The following RELN variants were observed in gnomAD, a reference collection of about 807,000 sequenced individuals.
RELN encodes reelin.
In RELN, 108 loss-of-function variants were observed where a neutral mutation model predicts 427.6. The ratio of observed to expected loss-of-function variants is 0.25; its 90% CI spans 0.22 to 0.30. The LOEUF (loss-of-function observed/expected upper bound fraction) is 0.30, where lower values mean the gene tolerates loss of function less well. Among genes scored for constraint, RELN ranks in the 10% least tolerant of loss-of-function variants. The probability of loss-of-function intolerance (pLI) is 1.00; values close to 1 mark genes in which losing one functional copy is unlikely to be tolerated. For synonymous variants in RELN, 1,524 were observed against 1,513.4 expected (o/e 1.01, Z -0.16); for missense variants, 3,715 against 4,302.8 (o/e 0.86, Z 3.82).
At chr7:103,494,250 TCTG>T (rs1828758397) in intron 57 of RELN, among the ~76,000 whole-genome samples, 1 of 152,162 alleles carries the variant, frequency 6.6e-6, no homozygotes, top group African/African-American at 2.4e-5. Context: ...CATTTTTATT[TCTG>T]CTAGTAAGGA....
chr7:103,594,802 T>C (rs1329933007), intron 25 of RELN, among the ~76,000 whole-genome samples: 1 of 152,188 alleles, frequency 6.6e-6, no homozygotes, highest in Non-Finnish European at 1.5e-5. Flanking sequence ...TTTAAAGAAA[T>C]ATCAAGATAA....
At chr7:103,746,864 CAGGGATCT>C (rs1382228215) in intron 6 of RELN, among the ~76,000 whole-genome samples, 1 of 151,848 alleles carries the variant, frequency 6.6e-6, no homozygotes, top group African/African-American at 2.4e-5. Context: ...GGCGATTCCT[CAGGGATCT>C]AGAACTAGAA....
chr7:103,810,528 C>T (rs1254566005), intron 3 of RELN, among the ~76,000 whole-genome samples: 2 of 152,144 alleles, frequency 1.3e-5, no homozygotes, highest in East Asian at 1.9e-4. Context: ...ATTCTTTCTT[C>T]GTGACAGTCA....
intron 4 of RELN, among the ~76,000 whole-genome samples, chr7:103,764,734 G>A (rs1432720243): frequency 6.6e-6 from 1 of 151,508 alleles, no homozygotes. Context: ...TACTCGGGAG[G>A]CTGAGGTAGG....
At chr7:103,945,813 T>C (rs4236563) in intron 1 of RELN, among the ~76,000 whole-genome samples, 69,550 of 151,968 alleles carry the variant, frequency 0.46, 16,356 homozygotes, top group African/African-American at 0.53. Flanking sequence ...TATCTTTAGA[T>C]ACACAAACAT....
intron 3 of RELN, among the ~76,000 whole-genome samples, chr7:103,801,436 T>C (rs1792463116): frequency 6.6e-6 from 1 of 152,148 alleles, no homozygotes; most frequent in Non-Finnish European, 1.5e-5. Context: ...TGCAGGGACA[T>C]GGATGAAAAT....
intron 10 of RELN, among the ~76,000 whole-genome samples, chr7:103,691,454 C>G (rs1402483733): frequency 3.3e-5 from 5 of 152,126 alleles, no homozygotes; most frequent in Admixed American, 3.3e-4. Flanking sequence ...TCAAGATCAG[C>G]AGTGGAGTGT....
intron 3 of RELN, among the ~76,000 whole-genome samples, chr7:103,808,325 T>C (rs947312645): frequency 1.3e-5 from 2 of 151,922 alleles, no homozygotes; most frequent in Non-Finnish European, 2.9e-5. Flanking sequence ...GATGAGTTAA[T>C]GGGTGCAGCA....
chr7:103,701,313 T>G (rs577151896), intron 8 of RELN, among the ~76,000 whole-genome samples: 1 of 152,076 alleles, frequency 6.6e-6, no homozygotes, highest in African/African-American at 2.4e-5. Flanking sequence ...CTAAATATTA[T>G]GGGGTGACTT....
intron 6 of RELN, among the ~76,000 whole-genome samples, chr7:103,739,040 A>G (rs1159075803): frequency 6.6e-6 from 1 of 152,182 alleles, no homozygotes; most frequent in Non-Finnish European, 1.5e-5. Flanking sequence ...GCGACTGACA[A>G]TAATTCATTC....
At chr7:103,985,583 T>C (rs1167368049) in intron 1 of RELN, among the ~76,000 whole-genome samples, 1 of 152,198 alleles carries the variant, frequency 6.6e-6, no homozygotes, top group African/African-American at 2.4e-5. Context: ...TCTATCCCCA[T>C]ATCTATTATC....
chr7:103,909,664 AAT>A (rs1299303087), intron 2 of RELN, among the ~76,000 whole-genome samples: 3 of 77,154 alleles, frequency 3.9e-5, no homozygotes, highest in Non-Finnish European at 6.8e-5. Flanking sequence ...AATATATATA[AAT>A]ATATATTAAA....
chr7:103,529,670 A>G (rs754249034), intron 46 of RELN, among the ~76,000 whole-genome samples: 40 of 151,604 alleles, frequency 2.6e-4, no homozygotes, highest in Non-Finnish European at 3.7e-4. Flanking sequence ...CTGCCTTCCT[A>G]TTTCTCCTCA....
intron 3 of RELN, among the ~76,000 whole-genome samples, chr7:103,821,542 C>T (rs777505103): frequency 1.3e-5 from 2 of 152,032 alleles, no homozygotes; most frequent in Non-Finnish European, 1.5e-5. Flanking sequence ...CAGGCGGTAA[C>T]CAAAATTAAA....
intron 46 of RELN, among the ~76,000 whole-genome samples, chr7:103,523,979 C>A (rs962009682): frequency 6.6e-6 from 1 of 152,130 alleles, no homozygotes; most frequent in Non-Finnish European, 1.5e-5. Flanking sequence ...GCCTGGCTGG[C>A]CATTATTACA....
intron 2 of RELN, among the ~76,000 whole-genome samples, chr7:103,896,856 T>C (rs1003077665): frequency 6.6e-6 from 1 of 152,110 alleles, no homozygotes; most frequent in African/African-American, 2.4e-5. Flanking sequence ...AAATACATAT[T>C]AAATTACTAT....
At chr7:103,725,221 C>T (rs889379687) in intron 7 of RELN, among the ~76,000 whole-genome samples, 1 of 151,902 alleles carries the variant, frequency 6.6e-6, no homozygotes. Flanking sequence ...CCAAACTCAC[C>T]CTTGTAATTA....
intron 11 of RELN, 104 bp downstream of exon 11, chr7:103,682,012 T>A: frequency 9.1e-7 from 1 of 1,096,986 alleles, no homozygotes. Context: ...TCATCAGTAT[T>A]GATCTAAGTA....
chr7:103,662,280 C>T (rs1404046809), intron 11 of RELN, among the ~76,000 whole-genome samples: 1 of 152,156 alleles, frequency 6.6e-6, no homozygotes, highest in Non-Finnish European at 1.5e-5. Flanking sequence ...TATGCTCTTA[C>T]CACAGTTGCA....
Sources: gnomAD v4.1 joint callset for allele counts (sites outside exome capture counted in the v4.1 genomes callset) on GRCh38, gnomAD v4.1.1 for gene constraint, MANE v1.5 for transcripts, NCBI Gene and HGNC (gene_info 2026-07-23, HGNC 2026-07-21) for gene names.